The following CDH23 variants were observed in gnomAD, a reference collection of about 807,000 sequenced individuals.
The protein encoded by CDH23 is cadherin related 23, also known as cadherin-23.
Under a neutral mutation model 317.1 loss-of-function variants are expected in CDH23, and 189 were observed. The ratio of observed to expected loss-of-function variants is 0.60; its 90% CI spans 0.53 to 0.67. The LOEUF is 0.67. CDH23 is among the 30% of genes least tolerant of loss of function. CDH23 has a pLI of 0.00. For synonymous variants in CDH23, 1,839 were observed against 1,876.8 expected (o/e 0.98, Z 0.52); for missense variants, 4,401 against 4,592.4 (o/e 0.96, Z 1.20).
intron 2 of CDH23, among the ~76,000 whole-genome samples, chr10:71,445,847 C>A (rs1365630635): frequency 0.014 from 1,295 of 91,876 alleles, 1 homozygote; most frequent in Admixed American, 0.016. Context: ...GACTCTGTCT[C>A]AAAAAAAAAA....
At chr10:71,646,947 C>A (rs1408804787) in intron 14 of CDH23, 3 of 985,260 alleles carry the variant, frequency 3.0e-6, no homozygotes, top group Admixed American at 6.1e-5. Context: ...AAGGTGCCAG[C>A]CATCCTTGAG....
At chr10:71,553,056 G>A (rs1856684518) in intron 6 of CDH23, among the ~76,000 whole-genome samples, 1 of 152,190 alleles carries the variant, frequency 6.6e-6, no homozygotes, top group Admixed American at 6.5e-5. Context: ...CACCTTGGCT[G>A]TACATGAGAA....
chr10:71,640,319 C>T (rs1371102541), intron 11 of CDH23, among the ~76,000 whole-genome samples: 3 of 152,242 alleles, frequency 2.0e-5, no homozygotes, highest in Non-Finnish European at 4.4e-5. Context: ...CTTCTCTGCT[C>T]ATCCACCATA....
At chr10:71,736,645 A>G (rs1214526914) in intron 34 of CDH23, among the ~76,000 whole-genome samples, 1 of 152,110 alleles carries the variant, frequency 6.6e-6, no homozygotes, top group Non-Finnish European at 1.5e-5. Flanking sequence ...TCCACTGGGA[A>G]GTCCAGCAGC....
At chr10:71,568,652 G>T (rs1564658377) in intron 7 of CDH23, among the ~76,000 whole-genome samples, 1 of 152,332 alleles carries the variant, frequency 6.6e-6, no homozygotes, top group East Asian at 1.9e-4. Context: ...CCTTCTCGGG[G>T]CTGGTGCTGT....
intron 3 of CDH23, among the ~76,000 whole-genome samples, chr10:71,499,788 G>C (rs1357947172): frequency 6.6e-6 from 1 of 152,154 alleles, no homozygotes; most frequent in Non-Finnish European, 1.5e-5. Flanking sequence ...GCAGTGAGCT[G>C]AGATCATGCC....
At chr10:71,420,937 T>G (rs774027852) in intron 1 of CDH23, among the ~76,000 whole-genome samples, 30 of 152,138 alleles carry the variant, frequency 2.0e-4, no homozygotes, top group Non-Finnish European at 7.4e-5. Flanking sequence ...GAGGAGGTGC[T>G]GAGCTCCCTG....
At chr10:71,415,231 C>CT (rs1392703453) in intron 1 of CDH23, among the ~76,000 whole-genome samples, 2 of 152,156 alleles carry the variant, frequency 1.3e-5, no homozygotes, top group Non-Finnish European at 2.9e-5. Flanking sequence ...CTGTCTTAGC[C>CT]TTCTCAGGAA....
At chr10:71,531,134 C>A (rs1358192124) in intron 6 of CDH23, among the ~76,000 whole-genome samples, 2 of 152,232 alleles carry the variant, frequency 1.3e-5, no homozygotes, top group Non-Finnish European at 2.9e-5. Flanking sequence ...GACAGTTCAC[C>A]CCTAAGAGGC....
At chr10:71,415,136 G>A (rs564254091) in intron 1 of CDH23, among the ~76,000 whole-genome samples, 22 of 151,668 alleles carry the variant, frequency 1.5e-4, no homozygotes, top group Middle Eastern at 3.4e-3. Context: ...TTTTAGATAG[G>A]GTCTCACTCT....
Position 71,741,790 on chromosome 10 carries a change from A to G in CDH23, c.4714A>G (p.Lys1572Glu). Residue 1572 changes from lysine to glutamate, a missense_variant, in exon 38 of 70, where the codon AAG (lysine) becomes GAG (glutamate). Lys to Glu is a moderately conservative substitution (Grantham distance 56, BLOSUM62 1). Around this residue, in one of 3 missense-constraint regions of CDH23, gnomAD observed 3,068 missense variants for 3,203.3 expected, o/e 0.96. Transcript: ENST00000224721. ...VLSYYITEGNKDMAFRMDRIS... is the reference protein window; with the variant it reads ...VLSYYITEGNEDMAFRMDRIS... ...GTCCTACTACATCACCGAGGGCAAC[A>G]AGGACATGGCCTTCCGCATGGACCG... is the stretch of plus-strand genomic sequence containing the variant. The G allele has an allele frequency of 1.2e-6, 2 of 1,612,970 alleles. No individual in the cohort carries two copies. The highest frequency in any genetic ancestry group is 1.7e-6 in the Non-Finnish European group (2 of 1,179,538).
At chr10:71,514,298 T>C (rs1589153109) in intron 6 of CDH23, among the ~76,000 whole-genome samples, 1 of 152,182 alleles carries the variant, frequency 6.6e-6, no homozygotes, top group Non-Finnish European at 1.5e-5. Context: ...CCCAGGAAGC[T>C]GCATTTTTTA....
chr10:71,631,375 TG>T (rs1862007726), intron 11 of CDH23, among the ~76,000 whole-genome samples: 1 of 152,056 alleles, frequency 6.6e-6, no homozygotes, highest in African/African-American at 2.4e-5. Context: ...TTAGGGGAGA[TG>T]AGGATGACTG....
chr10:71,809,169 T>G (rs921769986), intron 60 of CDH23, among the ~76,000 whole-genome samples: 1 of 117,282 alleles, frequency 8.5e-6, no homozygotes, highest in African/African-American at 3.1e-5. Flanking sequence ...TCTTTTTCCT[T>G]TTTTTTTTTT....
At chr10:71,730,993 G>A (rs973258367) in intron 31 of CDH23, among the ~76,000 whole-genome samples, 11 of 152,234 alleles carry the variant, frequency 7.2e-5, no homozygotes, top group Non-Finnish European at 1.3e-4. Flanking sequence ...ACGCCTTCCA[G>A]GACCAGCTCA....
chr10:71,722,560 C>T (rs151244208), intron 28 of CDH23, among the ~76,000 whole-genome samples: 1 of 152,286 alleles, frequency 6.6e-6, no homozygotes, highest in Non-Finnish European at 1.5e-5. Flanking sequence ...AGGGATATCG[C>T]AGTGCACAAA....
chr10:71,425,232 G>GAGAGAGAGAGAGAGAGAGAGAGA (rs1849006230), intron 1 of CDH23, among the ~76,000 whole-genome samples: 2 of 73,964 alleles, frequency 2.7e-5, no homozygotes, highest in African/African-American at 9.3e-5. Context: ...AGAGAGAGAG[G>GAGAGAGAGAGAGAGAGAGAGAGA]GAGAGAGAGA....
intron 22 of CDH23, among the ~76,000 whole-genome samples, chr10:71,701,183 T>A (rs1011133068): frequency 3.9e-5 from 6 of 152,160 alleles, no homozygotes; most frequent in African/African-American, 1.2e-4. Context: ...GCTGGTGCTG[T>A]GTGACCCTAA....
In CDH23 at chr10:71,809,846, T is replaced by C. The variant is rs748842602; in HGVS notation, c.8749T>C (p.Phe2917Leu). Residue 2917 changes from phenylalanine to leucine, a missense_variant, in exon 61 of 70, where the codon TTC (phenylalanine) becomes CTC (leucine). Physicochemically the swap from Phe to Leu is conservative, Grantham distance 22 (BLOSUM62 0). This residue lies in a region of CDH23 where 1,144 missense variants were observed against 1,138.2 expected (regional missense o/e 1.01). Coordinates refer to ENST00000224721, the MANE Select transcript of CDH23 (RefSeq NM_022124.6). ...MGSMDGILRT[F>L]DLFMAYSPGY... Reference sequence around the variant, plus strand: ...GAGCATGGACGGCATTCTGCGCACCTTCGACCTCTTCATGGCCTACAGCCC... The same window carrying C: ...GAGCATGGACGGCATTCTGCGCACCCTCGACCTCTTCATGGCCTACAGCCC... The C allele has an allele frequency of 1.2e-6, 2 of 1,613,224 alleles. No individual in the cohort carries two copies. Among genetic ancestry groups the C allele is most frequent in the Non-Finnish European group, 1.7e-6 (2 of 1,179,856 alleles).
Sources: allele counts gnomAD v4.1 joint callset (sites outside exome capture counted in the v4.1 genomes callset), GRCh38; gene constraint gnomAD v4.1.1; regional missense constraint gnomAD v4.1.1; transcripts MANE v1.5; gene names NCBI Gene and HGNC (gene_info 2026-07-23, HGNC 2026-07-21).